Variants in PLD1 observed in about 807,000 individuals in gnomAD.
The protein encoded by PLD1 is choline phosphatase 1.
In PLD1, 112 loss-of-function variants were observed where a neutral mutation model predicts 137.1. The ratio of observed to expected loss-of-function variants is 0.82; its 90% CI spans 0.70 to 0.96. The LOEUF (loss-of-function observed/expected upper bound fraction) is 0.96, where lower values mean the gene tolerates loss of function less well. Ranked by LOEUF, PLD1 falls within the 40% of genes least tolerant of loss-of-function variation. The probability of loss-of-function intolerance (pLI) is 0.00; values close to 1 mark genes in which losing one functional copy is unlikely to be tolerated. For missense variants in PLD1, 1,321 were observed against 1,342.0 expected (o/e 0.98, Z 0.24); for synonymous variants, 431 against 454.7 (o/e 0.95, Z 0.66).
rs145793041 is a variant in PLD1, at chr3:171,651,135, G to A, written c.2430-6112C>T. ...TGCTCACAACTGGGTCTCAGGGTCT[G>A]GCAAGAAGGCCCCGAGGAAGCTTGA... On this transcript the variant is annotated intron_variant, in intron 21 of 26. Transcript: ENST00000351298. Among the ~76,000 whole-genome samples, 883 of 152,266 alleles carry A rather than the reference G, an allele frequency of 5.8e-3. 5 individuals carry two copies. Among genetic ancestry groups the A allele is most frequent in the African/African-American group, 0.02 (849 of 41,548 alleles).
chr3:171,689,134 G>A (rs930383890), intron 13 of PLD1, among the ~76,000 whole-genome samples: 9 of 151,746 alleles, frequency 5.9e-5, no homozygotes, highest in South Asian at 4.2e-4. Flanking sequence ...CTTGAGGTCT[G>A]GCAATACATT....
At chr3:171,687,675 A>C (rs1363179676) in intron 14 of PLD1, 91 bp from the exon 15 acceptor site, 6 of 791,064 alleles carry the variant, frequency 7.6e-6, no homozygotes, top group African/African-American at 1.7e-5. Context: ...TATAAAGTTT[A>C]CAAATGATGG....
chr3:171,788,910 G>A (rs191545296), intron 1 of PLD1: 288 of 152,256 alleles, frequency 1.9e-3, no homozygotes, highest in African/African-American at 6.8e-3. Flanking sequence ...TTTTTGAACT[G>A]TATTCCTTTA....
chr3:171,737,774 T>G (rs1039876899), intron 2 of PLD1, 115 bp from the exon 3 acceptor site: 7 of 1,331,358 alleles, frequency 5.3e-6, no homozygotes, highest in Non-Finnish European at 7.2e-6. Flanking sequence ...TAAAATGATC[T>G]GAGCCCGGTG....
chr3:171,766,970 T>TA (rs1439359581), intron 1 of PLD1, among the ~76,000 whole-genome samples: 1 of 152,138 alleles, frequency 6.6e-6, no homozygotes, highest in Non-Finnish European at 1.5e-5. Flanking sequence ...TTATGTCTTT[T>TA]AAAAAAATAT....
At chr3:171,654,713 G>A (rs1337209742) in intron 21 of PLD1, among the ~76,000 whole-genome samples, 1 of 152,102 alleles carries the variant, frequency 6.6e-6, no homozygotes, top group Non-Finnish European at 1.5e-5. Flanking sequence ...TCACATTTGA[G>A]CTGTCAAAGA....
At chr3:171,667,085 C>T (rs1351933521) in intron 19 of PLD1, among the ~76,000 whole-genome samples, 1 of 152,184 alleles carries the variant, frequency 6.6e-6, no homozygotes, top group Non-Finnish European at 1.5e-5. Context: ...CCTATAAATT[C>T]AGCACATATA....
At chr3:171,624,313 G>A (rs564753104) in intron 23 of PLD1, among the ~76,000 whole-genome samples, 71 of 152,112 alleles carry the variant, frequency 4.7e-4, no homozygotes, top group South Asian at 1.0e-3. Flanking sequence ...TAAAAATGAC[G>A]TTGAGAAACC....
chr3:171,792,481 A>G (rs547846203), intron 1 of PLD1: 10 of 427,900 alleles, frequency 2.3e-5, no homozygotes, highest in South Asian at 1.5e-4. Flanking sequence ...GTACCACACC[A>G]GCTGATCTGC....
At chr3:171,678,357 A>G (rs553652705) in intron 16 of PLD1, among the ~76,000 whole-genome samples, 91 of 152,336 alleles carry the variant, frequency 6.0e-4, no homozygotes, top group Middle Eastern at 3.4e-3. Context: ...ACATTTATAT[A>G]CTTCAAATCA....
intron 21 of PLD1, among the ~76,000 whole-genome samples, chr3:171,655,265 AG>A (rs1391564873): frequency 2.0e-5 from 3 of 152,212 alleles, no homozygotes; most frequent in East Asian, 3.8e-4. Context: ...ATGGAGAGAG[AG>A]GGGTAAGTTT....
chr3:171,697,684 G>A (rs558493142), intron 12 of PLD1, among the ~76,000 whole-genome samples: 11 of 152,280 alleles, frequency 7.2e-5, no homozygotes, highest in African/African-American at 2.6e-4. Flanking sequence ...ACTACACCTA[G>A]AAAGTTCTTC....
intron 16 of PLD1, among the ~76,000 whole-genome samples, chr3:171,679,395 C>A (rs1713726005): frequency 6.6e-6 from 1 of 152,112 alleles, no homozygotes; most frequent in Non-Finnish European, 1.5e-5. Context: ...CTTTATGAGA[C>A]TGAAAGGCCA....
In PLD1 at chr3:171,662,116, T is replaced by C. The variant is rs781545382; in HGVS notation, c.2284A>G (p.Ile762Val). ...SAGIKYHEES[I>V]HAAYVHVIEN... ...ATCACATGGACGTAAGCGGCGTGGA[T>C]GGACTCTTCATGGTACTTTATACCA... The change falls in exon 20 of 27, where the codon ATC becomes GTC. Residue 762 changes from isoleucine to valine, a missense_variant. Ile to Val is a conservative substitution (Grantham distance 29, BLOSUM62 3). Transcript: ENST00000351298. 2 of 1,613,720 alleles carry C rather than the reference T, an allele frequency of 1.2e-6. No individual in the cohort carries two copies. The highest frequency in any genetic ancestry group is 2.7e-5 in the African/African-American group (2 of 74,928).
At chr3:171,782,608 G>A (rs537879874) in intron 1 of PLD1, among the ~76,000 whole-genome samples, 43 of 152,066 alleles carry the variant, frequency 2.8e-4, no homozygotes, top group African/African-American at 9.9e-4. Flanking sequence ...TAGAATCTAG[G>A]TGGTGGCTTA....
chr3:171,783,718 C>T (rs1722884918), intron 1 of PLD1, among the ~76,000 whole-genome samples: 1 of 152,154 alleles, frequency 6.6e-6, no homozygotes, highest in African/African-American at 2.4e-5. Flanking sequence ...TCACGGTTCA[C>T]TACAACCTCT....
chr3:171,663,039 C>T (rs1489905717), intron 19 of PLD1, among the ~76,000 whole-genome samples: 1 of 152,204 alleles, frequency 6.6e-6, no homozygotes, highest in African/African-American at 2.4e-5. Flanking sequence ...CAGATTAAAC[C>T]CATCGAAGTG....
Position 171,724,851 on chromosome 3 carries a change from G to T in PLD1, c.666-63C>A, listed in dbSNP as rs1718387099. On this transcript the variant is annotated intron_variant, in intron 7 of 26. Transcript: ENST00000351298. ...TTCCCACTCCCACTTAGCTCGTACA[G>T]CCTCCCAACATGGGACTAAATAAAC... is the stretch of plus-strand genomic sequence containing the variant. 5.5e-6 allele frequency: 5 copies of T among 916,106 alleles called. No homozygotes were observed. The Admixed American group carries it at 6.8e-5, about 12-fold the overall frequency. 56.7% of individuals were successfully genotyped at this position (916,106 alleles called of 1,614,324 possible). A position where few individuals can be genotyped will look rare whatever the true frequency, so the allele number is the denominator to read the frequency against.
intron 23 of PLD1, among the ~76,000 whole-genome samples, chr3:171,633,062 G>T (rs1016688112): frequency 3.9e-5 from 6 of 152,218 alleles, no homozygotes; most frequent in African/African-American, 1.4e-4. Context: ...TTCCTAGCCA[G>T]AAAGTAGACA....
Sources: allele counts gnomAD v4.1 joint callset (sites outside exome capture counted in the v4.1 genomes callset), GRCh38; gene constraint gnomAD v4.1.1; transcripts MANE v1.5; gene names NCBI Gene and HGNC (gene_info 2026-07-23, HGNC 2026-07-21).